Variants in CREBBP observed in about 807,000 individuals in gnomAD.
The protein encoded by CREBBP is CREB-binding protein.
A neutral mutation model predicts 265.0 loss-of-function variants in CREBBP; 19 were observed. That is an observed-to-expected ratio of 0.07 (90% CI 0.05 to 0.11). The LOEUF (loss-of-function observed/expected upper bound fraction) is 0.11. Among genes scored for constraint, CREBBP ranks in the 10% least tolerant of loss-of-function variants. The pLI is 1.00. For missense variants in CREBBP, 2,525 were observed against 3,219.0 expected, an observed-to-expected ratio of 0.78 and a Z score of 5.22; for synonymous variants, 1,457 against 1,223.7, an observed-to-expected ratio of 1.19 and a Z score of -3.98.
chr16:3,728,146 T>C lies in CREBBP; in HGVS notation c.6901A>G (p.Met2301Val). 6.2e-7 allele frequency: 1 copy of C among 1,614,174 alleles called. No individual in the cohort carries two copies. The highest frequency in any genetic ancestry group is 8.5e-7 in the Non-Finnish European group (1 of 1,180,022). ...CCTGGGGACCCAATCTGCTGCTTCA[T>C]CTGCTGTTGCTGCAGAATCCGCTGC... is the stretch of plus-strand genomic sequence containing the variant. The part of the protein sequence containing the change: ...LQQRILQQQQ[M>V]KQQIGSPGQP... The change falls in exon 31 of 31, where the codon ATG becomes GTG. Residue 2301 changes from methionine (M) to valine (V), a missense_variant. By Grantham distance (21) the Met-to-Val change is conservative. Coordinates refer to ENST00000262367, the MANE Select transcript of CREBBP (RefSeq NM_004380.3). The surrounding 1 kb of genome is among the most constrained non-coding windows in gnomAD (Gnocchi z 8.7).
At chr16:3,767,675 T>C (rs774436892) in intron 16 of CREBBP, 45 bp downstream of exon 16, 3 of 1,613,578 alleles carry the variant, frequency 1.9e-6, no homozygotes, top group Non-Finnish European at 2.5e-6. Flanking sequence ...CCTAACACCG[T>C]GGAAAAGCAG....
At chr16:3,856,261 C>G (rs901808480) in intron 1 of CREBBP, among the ~76,000 whole-genome samples, 1 of 152,134 alleles carries the variant, frequency 6.6e-6, no homozygotes, top group Non-Finnish European at 1.5e-5. Flanking sequence ...ATAGCTGGGA[C>G]CACAGGTGTG....
intron 13 of CREBBP, among the ~76,000 whole-genome samples, chr16:3,771,475 A>G (rs2053007047): frequency 6.6e-6 from 1 of 152,188 alleles, no homozygotes; most frequent in South Asian, 2.1e-4. Context: ...AAAACTACAC[A>G]CGTTTCTTAT....
At chr16:3,869,923 C>G (rs1423934054) in intron 1 of CREBBP, among the ~76,000 whole-genome samples, 1 of 152,212 alleles carries the variant, frequency 6.6e-6, no homozygotes, top group Non-Finnish European at 1.5e-5. Context: ...TCAGAGACTT[C>G]TCAACAGAAG....
At chr16:3,808,900 G>T (rs932316080) in intron 3 of CREBBP, among the ~76,000 whole-genome samples, 1 of 152,182 alleles carries the variant, frequency 6.6e-6, no homozygotes, top group African/African-American at 2.4e-5. Context: ...GGAAGCACAG[G>T]AGAGAACGGG....
chr16:3,790,307 TTTA>T, intron 5 of CREBBP, among the ~76,000 whole-genome samples: 1 of 152,058 alleles, frequency 6.6e-6, no homozygotes, highest in South Asian at 2.1e-4. Context: ...AGGGAAATTG[TTTA>T]TTAATTCAAA....
intron 16 of CREBBP, among the ~76,000 whole-genome samples, chr16:3,763,656 G>C (rs949347305): frequency 3.9e-5 from 6 of 152,008 alleles, no homozygotes; most frequent in Non-Finnish European, 7.4e-5. Flanking sequence ...TAGAGACGGG[G>C]TTTCGCCATG....
chr16:3,767,854 G>C lies in CREBBP; in HGVS notation c.3116C>G (p.Ala1039Gly), dbSNP rs1432745439. The C allele has an allele frequency of 1.2e-6, 2 of 1,614,010 alleles. No homozygotes were observed. The highest frequency in any genetic ancestry group is 2.7e-5 in the African/African-American group (2 of 74,898). Residue 1039 changes from alanine (A) to glycine (G), a missense_variant, in exon 16 of 31, where the codon GCA becomes GGA. This residue lies in a region of CREBBP where 548 missense variants were observed against 533.0 expected (regional missense o/e 1.03). Transcript: ENST00000262367. ...ASQVKEETDI[A>G]EQKSEPMEVD... ...TTCCATTGGTTCTGATTTCTGCTCT[G>C]CTATGTCTGTTTCTTCTTTAACTTG... is the stretch of plus-strand genomic sequence containing the variant.
intron 1 of CREBBP, among the ~76,000 whole-genome samples, chr16:3,853,831 AGAGGCT>A: frequency 6.7e-6 from 1 of 149,868 alleles, no homozygotes; most frequent in East Asian, 2.0e-4. Flanking sequence ...CAGCTACTCG[AGAGGCT>A]GAGGCAGGAG....
chr16:3,756,240 T>C (rs780836760), intron 19 of CREBBP, among the ~76,000 whole-genome samples: 32 of 152,210 alleles, frequency 2.1e-4, no homozygotes, highest in Non-Finnish European at 8.8e-5. Context: ...AACCTCTATC[T>C]TGGCCACAGA....
At position 3,850,533 on chromosome 16, in the gene CREBBP, G is replaced by T. The variant is rs1181685618; in HGVS notation, c.562C>A (p.Leu188Ile). 1 of 1,614,122 alleles carries T rather than the reference G, an allele frequency of 6.2e-7. No individual in the cohort carries two copies. The highest frequency in any genetic ancestry group is 1.3e-5 in the African/African-American group (1 of 74,938). Reference sequence around the variant, plus strand: ...CTATGGCCAGAGTTACTATTGAGGAGGCCTGGGTGGGTCTGGTTAAAGTTA... The same window carrying T: ...CTATGGCCAGAGTTACTATTGAGGATGCCTGGGTGGGTCTGGTTAAAGTTA... ...NANFNQTHPG[L>I]LNSNSGHSLI... is the part of the protein sequence containing the mutation. Residue 188 changes from leucine (L) to isoleucine (I), a missense_variant, in exon 2 of 31, where the codon CTC becomes ATC. Coordinates refer to ENST00000262367, the MANE Select transcript of CREBBP (RefSeq NM_004380.3).
In CREBBP at chr16:3,728,859, G is replaced by A. The variant is rs1223637225; in HGVS notation, c.6188C>T (p.Ser2063Leu). The A allele has an allele frequency of 1.3e-5, 21 of 1,612,974 alleles. No homozygotes were observed. The highest frequency in any genetic ancestry group is 2.2e-5 in the East Asian group (1 of 44,874). The change falls in exon 31 of 31, where the codon TCA (serine) becomes TTA (leucine). Residue 2063 changes from serine (S) to leucine (L), a missense_variant. Transcript: ENST00000262367. The surrounding 1 kb of genome is among the most constrained non-coding windows in gnomAD (Gnocchi z 8.7). Reference protein sequence around the residue: ...MPSVQPPRSISPSALQDLLRT... With the variant: ...MPSVQPPRSILPSALQDLLRT... ...CAGCAGGTCTTGCAGAGCGCTGGGTGAGATGCTCCTGGGTGGCTGCACGCT... is the reference window on the plus strand; with the variant it reads ...CAGCAGGTCTTGCAGAGCGCTGGGTAAGATGCTCCTGGGTGGCTGCACGCT...
intron 2 of CREBBP, among the ~76,000 whole-genome samples, chr16:3,818,509 T>C (rs2054082652): frequency 1.3e-5 from 2 of 152,148 alleles, no homozygotes; most frequent in South Asian, 4.1e-4. Context: ...GGTTTCCCCA[T>C]CTTTACTAAA....
At chr16:3,774,733 C>T in intron 11 of CREBBP, 40 bp from the exon 12 acceptor site, 1 of 1,613,656 alleles carries the variant, frequency 6.2e-7, no homozygotes. Flanking sequence ...GAAAAGCACC[C>T]ACAGGAAAAC....
intron 26 of CREBBP, chr16:3,737,037 C>T (rs907526297): frequency 4.9e-6 from 3 of 615,188 alleles, no homozygotes; most frequent in Admixed American, 2.6e-5. Context: ...CCTTGGGGTG[C>T]ACACACAGGG....
At chr16:3,747,597 C>A (rs1158887082) in intron 21 of CREBBP, among the ~76,000 whole-genome samples, 2 of 152,172 alleles carry the variant, frequency 1.3e-5, no homozygotes, top group Non-Finnish European at 2.9e-5. Context: ...GAAGGAGACC[C>A]CTTCACTCAT....
intron 1 of CREBBP, among the ~76,000 whole-genome samples, chr16:3,862,769 G>A (rs975613384): frequency 9.9e-5 from 15 of 152,070 alleles, no homozygotes; most frequent in African/African-American, 2.4e-4. Flanking sequence ...AGCTCCCCAC[G>A]GCAGAGCAGC....
At chr16:3,756,305 C>A (rs542153271) in intron 19 of CREBBP, among the ~76,000 whole-genome samples, 1 of 152,352 alleles carries the variant, frequency 6.6e-6, no homozygotes, top group South Asian at 2.1e-4. Context: ...GAGCAAGATT[C>A]CTGACCTGTG....
chr16:3,762,183 G>A (rs2052735291), intron 16 of CREBBP, among the ~76,000 whole-genome samples: 1 of 152,196 alleles, frequency 6.6e-6, no homozygotes, highest in South Asian at 2.1e-4. Flanking sequence ...GCCTCAGGAC[G>A]CACAAAGCCC....
Sources: allele counts gnomAD v4.1 joint callset (sites outside exome capture counted in the v4.1 genomes callset), GRCh38; gene constraint gnomAD v4.1.1; regional missense constraint gnomAD v4.1.1; non-coding constraint Gnocchi (gnomAD v3.1); transcripts MANE v1.5; gene names NCBI Gene and HGNC (gene_info 2026-07-23, HGNC 2026-07-21).